The following ACOX3 variants were observed in gnomAD, a reference collection of about 807,000 sequenced individuals.
ACOX3 encodes peroxisomal acyl-coenzyme A oxidase 3.
In ACOX3, 73 loss-of-function variants were observed where a neutral mutation model predicts 81.5. That is an observed-to-expected ratio of 0.90 (90% confidence interval 0.74 to 1.09). The LOEUF is 1.09. Among genes scored for constraint, ACOX3 ranks in the 50% least tolerant of loss-of-function variants. The pLI, the probability that ACOX3 is intolerant of heterozygous loss-of-function variation, is 0.00. For synonymous variants in ACOX3, 387 were observed against 375.1 expected, an observed-to-expected ratio of 1.03 and a Z score of -0.37; for missense variants, 947 against 928.0, an observed-to-expected ratio of 1.02 and a Z score of -0.27.
intron 15 of ACOX3, chr4:8,373,903 C>T (rs1032095110): frequency 3.8e-5 from 20 of 529,518 alleles, no homozygotes; most frequent in South Asian, 2.0e-4. Flanking sequence ...GACAGGTGGC[C>T]GCTGGGCTCA....
intron 3 of ACOX3, among the ~76,000 whole-genome samples, chr4:8,415,439 T>C (rs935819233): frequency 3.3e-5 from 5 of 151,228 alleles, no homozygotes; most frequent in Middle Eastern, 3.5e-3. Context: ...ATCATTTGTC[T>C]CTTTTTTTGT....
intron 1 of ACOX3, among the ~76,000 whole-genome samples, chr4:8,418,056 A>G (rs1722532060): frequency 6.6e-6 from 1 of 152,248 alleles, no homozygotes; most frequent in African/African-American, 2.4e-5. Flanking sequence ...TAAACTGTCC[A>G]CGAAGAAAAA....
At position 8,414,141 on chromosome 4, in the gene ACOX3, G is replaced by A; in HGVS notation, c.543+151C>T. On this transcript the variant is annotated intron_variant, in intron 5 of 17. Coordinates refer to ENST00000356406, the MANE Select transcript of ACOX3 (RefSeq NM_003501.3). This position sits in a 1 kb window ranked among gnomAD's most constrained non-coding sequence, Gnocchi z 6.1. The stretch of plus-strand genomic sequence containing the variant: ...GATCTCCTGGGCCCCACTTTTCAGT[G>A]TGATGAATCTCAGTGGGTATTTCTA... The A allele has an allele frequency of 1.5e-6, 1 of 675,142 alleles. No individual in the cohort carries two copies. The highest frequency in any genetic ancestry group is 2.6e-6 in the Non-Finnish European group (1 of 387,764). 41.8% of individuals were successfully genotyped at this position (675,142 alleles called of 1,614,324 possible).
rs765955581 is a variant in ACOX3, at chr4:8,370,542, G to C, written c.1983+366C>G. On this transcript the variant is annotated intron_variant, in intron 17 of 17. Coordinates refer to ENST00000356406, the MANE Select transcript of ACOX3 (RefSeq NM_003501.3). This position sits in a 1 kb window ranked among gnomAD's most constrained non-coding sequence, Gnocchi z 6.3. Reference sequence around the variant, plus strand: ...CAGGGATGGGGGAAGAGGCCTGCAGGGCCAGGAGCATGGTCAGATGGGGGT... The same window carrying C: ...CAGGGATGGGGGAAGAGGCCTGCAGCGCCAGGAGCATGGTCAGATGGGGGT... Among the ~76,000 whole-genome samples, 28 of 151,822 alleles carry C rather than the reference G, an allele frequency of 1.8e-4. No individual in the cohort carries two copies. Among genetic ancestry groups the C allele is most frequent in the Admixed American group, 3.9e-4 (6 of 15,276 alleles).
chr4:8,375,323 T>C (rs1716806950), intron 14 of ACOX3, among the ~76,000 whole-genome samples, 171 bp from the exon 15 acceptor site: 1 of 152,190 alleles, frequency 6.6e-6, no homozygotes, highest in African/African-American at 2.4e-5. Context: ...GAGACATGTT[T>C]CCAGAACACA....
intron 14 of ACOX3, among the ~76,000 whole-genome samples, chr4:8,376,349 A>AAAG (rs2108805810): frequency 1.1e-4 from 2 of 17,546 alleles, no homozygotes; most frequent in East Asian, 2.2e-3. Flanking sequence ...TTTTAAAATT[A>AAAG]AAAAAAAAAA....
chr4:8,424,839 T>C (rs1723303437), intron 1 of ACOX3, among the ~76,000 whole-genome samples: 1 of 152,164 alleles, frequency 6.6e-6, no homozygotes, highest in East Asian at 1.9e-4. Flanking sequence ...ACTTGTATAC[T>C]GACGGAAGTT....
intron 8 of ACOX3, among the ~76,000 whole-genome samples, chr4:8,397,454 C>T (rs1719845709): frequency 6.6e-6 from 1 of 152,194 alleles, no homozygotes; most frequent in Non-Finnish European, 1.5e-5. Flanking sequence ...ATTCCAAGGC[C>T]CACCTTTAAC....
chr4:8,398,326 T>C (rs916119146), intron 8 of ACOX3, among the ~76,000 whole-genome samples: 5 of 152,212 alleles, frequency 3.3e-5, no homozygotes, highest in African/African-American at 4.8e-5. Flanking sequence ...AATTTTCTCT[T>C]AGAAATTCCT....
At position 8,414,775 on chromosome 4, in the gene ACOX3, C is replaced by T. The variant is rs1033389375; in HGVS notation, c.453+79G>A. 6.8e-6 allele frequency: 10 copies of T among 1,473,782 alleles called. No individual in the cohort carries two copies. The African/African-American group carries it at 1.3e-4, about 18-fold the overall frequency. 91.3% of individuals were successfully genotyped at this position (1,473,782 alleles called of 1,614,324 possible). A position where few individuals can be genotyped will look rare whatever the true frequency, so the allele number is the denominator to read the frequency against. ...TAAGCCCCCTGGGCACCCCCTTCTA[C>T]AATCTTCTCTTTTCACAAATCTCTA... On this transcript the variant is annotated intron_variant, in intron 4 of 17. Coordinates refer to ENST00000356406, the MANE Select transcript of ACOX3 (RefSeq NM_003501.3). The surrounding 1 kb of genome is among the most constrained non-coding windows in gnomAD (Gnocchi z 6.1).
rs761620226 is a variant in ACOX3 at position 8,414,842 on chromosome 4, A to G, written c.453+12T>C. ...GAACCAGGCTCACAATTTACCATGA[A>G]CCAGAACTTACCTCCATCCTGAAGA... On this transcript the variant is annotated intron_variant, in intron 4 of 17. Coordinates refer to ENST00000356406, the MANE Select transcript of ACOX3 (RefSeq NM_003501.3). This position sits in a 1 kb window ranked among gnomAD's most constrained non-coding sequence, Gnocchi z 6.1. 1 of 1,612,468 alleles carries G rather than the reference A, an allele frequency of 6.2e-7. No individual in the cohort carries two copies. Among genetic ancestry groups the G allele is most frequent in the Non-Finnish European group, 8.5e-7 (1 of 1,178,428 alleles).
In ACOX3 at chr4:8,381,424, C is replaced by G. The variant is rs1016224882; in HGVS notation, c.1653+68G>C. The G allele has an allele frequency of 1.4e-6, 2 of 1,461,248 alleles. No individual in the cohort carries two copies. Among genetic ancestry groups the G allele is most frequent in the Non-Finnish European group, 1.9e-6 (2 of 1,052,184 alleles). The allele number at this position is 1,461,248 out of a possible 1,614,324, so 90.5% of individuals were successfully genotyped here. On this transcript the variant is annotated intron_variant, in intron 14 of 17. Transcript: ENST00000356406. This position sits in a 1 kb window ranked among gnomAD's most constrained non-coding sequence, Gnocchi z 4.3. Reference sequence around the variant, plus strand: ...TGAATTGCCAGGATGTTCAAACTCCCAGGGACACAACGGCCAGGGAATTAA... The same window carrying G: ...TGAATTGCCAGGATGTTCAAACTCCGAGGGACACAACGGCCAGGGAATTAA...
intron 8 of ACOX3, among the ~76,000 whole-genome samples, chr4:8,397,776 T>A (rs1360575569): frequency 6.6e-6 from 1 of 152,224 alleles, no homozygotes; most frequent in Non-Finnish European, 1.5e-5. Flanking sequence ...CCTCTGACCA[T>A]CTAGGTCCTT....
At chr4:8,357,839 C>T in the ACOX3 span, 2 of 159,350 alleles carry the variant, frequency 1.3e-5, no homozygotes, top group Admixed American at 1.2e-4. Context: ...CCATCAAATC[C>T]TGCTGTAAAC....
rs894084509 is a variant in ACOX3 at position 8,399,693 on chromosome 4, G to C, written c.777-41C>G. ...AGGGCTTCTGTTAAACAGGGGTCCT[G>C]CCCTGAGGCTCTTCTCTTCTCCAAG... On this transcript the variant is annotated intron_variant, in intron 7 of 17. Transcript: ENST00000356406. The surrounding 1 kb of genome is among the most constrained non-coding windows in gnomAD (Gnocchi z 4.9). The C allele has an allele frequency of 6.4e-7, 1 of 1,560,908 alleles. No homozygotes were observed.
Position 8,414,913 on chromosome 4 carries a change from C to A in ACOX3, c.394G>T (p.Val132Phe), listed in dbSNP as rs747142168. ...LLHSLVFGSA[V>F]YSSGSERHLT... is the part of the protein sequence containing the mutation. ...TGTCTTTCAGAACCAGAACTGTAAACTGCTGATCCAAAAACCTGAAAGTAT... is the reference window on the plus strand; with the variant it reads ...TGTCTTTCAGAACCAGAACTGTAAAATGCTGATCCAAAAACCTGAAAGTAT... The change falls in exon 4 of 18, where the codon GTT (valine) becomes TTT (phenylalanine). Residue 132 changes from valine (V) to phenylalanine (F), a missense_variant. By Grantham distance (50) the Val-to-Phe change is conservative. Coordinates refer to ENST00000356406, the MANE Select transcript of ACOX3 (RefSeq NM_003501.3). The surrounding 1 kb of genome is among the most constrained non-coding windows in gnomAD (Gnocchi z 6.1). 1.2e-6 allele frequency: 2 copies of A among 1,614,110 alleles called. No homozygotes were observed. Among genetic ancestry groups the A allele is most frequent in the Non-Finnish European group, 1.7e-6 (2 of 1,180,050 alleles).
chr4:8,431,530 T>G lies in ACOX3; in HGVS notation c.-15+9118A>C, dbSNP rs1210651658. ...GGGTCGTGCTACACTCTGTTGTATT[T>G]GGGACCTGGGTGGATGGAGATGCCA... On this transcript the variant is annotated intron_variant, in intron 1 of 17. Coordinates refer to ENST00000356406, the MANE Select transcript of ACOX3 (RefSeq NM_003501.3). This position sits in a 1 kb window ranked among gnomAD's most constrained non-coding sequence, Gnocchi z 5.3. Among the ~76,000 whole-genome samples the G allele has an allele frequency of 6.6e-6, 1 of 152,188 alleles. No individual in the cohort carries two copies. Among genetic ancestry groups the G allele is most frequent in the Non-Finnish European group, 1.5e-5 (1 of 68,022 alleles).
intron 1 of ACOX3, among the ~76,000 whole-genome samples, chr4:8,433,755 G>A (rs1724076956): frequency 6.6e-6 from 1 of 152,208 alleles, no homozygotes; most frequent in African/African-American, 2.4e-5. Context: ...AAATCCCAAT[G>A]GAGGGATTAA....
chr4:8,356,711 C>T, the ACOX3 span: 1 of 456,360 alleles, frequency 2.2e-6, no homozygotes, highest in Non-Finnish European at 4.4e-6. Context: ...ACTGTGCACG[C>T]TAACATGATC....
Sources: allele counts gnomAD v4.1 joint callset (sites outside exome capture counted in the v4.1 genomes callset), GRCh38; gene constraint gnomAD v4.1.1; non-coding constraint Gnocchi (gnomAD v3.1); transcripts MANE v1.5; gene names NCBI Gene and HGNC (gene_info 2026-07-23, HGNC 2026-07-21).